HS6ST3: variants seen among roughly 807,000 people sequenced by gnomAD.
The protein encoded by HS6ST3 is heparan-sulfate 6-O-sulfotransferase 3.
A neutral mutation model predicts 36.7 loss-of-function variants in HS6ST3; 12 were observed. The ratio of observed to expected loss-of-function variants is 0.33; its 90% CI spans 0.21 to 0.53. The LOEUF (loss-of-function observed/expected upper bound fraction) is 0.53. Among genes scored for constraint, HS6ST3 ranks in the 20% least tolerant of loss-of-function variants. The pLI is 0.95. For synonymous variants in HS6ST3, 240 were observed against 257.5 expected (o/e 0.93, Z 0.65); for missense variants, 584 against 640.9 (o/e 0.91, Z 0.96).
intron 1 of HS6ST3, among the ~76,000 whole-genome samples, chr13:96,335,422 G>A (rs2055095664): frequency 6.6e-6 from 1 of 152,182 alleles, no homozygotes; most frequent in South Asian, 2.1e-4. Flanking sequence ...GGGCCCCTGT[G>A]ACGTGCTTGA....
intron 1 of HS6ST3, among the ~76,000 whole-genome samples, chr13:96,463,583 G>A (rs2055796130): frequency 1.3e-5 from 2 of 151,924 alleles, no homozygotes; most frequent in East Asian, 3.9e-4. Flanking sequence ...ACACAAAAGA[G>A]CAAACCATTT....
At chr13:96,247,838 G>T (rs1234969768) in intron 1 of HS6ST3, among the ~76,000 whole-genome samples, 1 of 151,984 alleles carries the variant, frequency 6.6e-6, no homozygotes, top group African/African-American at 2.4e-5. Context: ...CATACAACAG[G>T]TTCATACTTC....
intron 1 of HS6ST3, among the ~76,000 whole-genome samples, chr13:96,819,379 A>C (rs1167513685): frequency 1.3e-5 from 2 of 152,180 alleles, no homozygotes; most frequent in African/African-American, 4.8e-5. Flanking sequence ...TAATCAAAAA[A>C]CATACCAGAA....
chr13:96,382,923 G>GA (rs772007465), intron 1 of HS6ST3, among the ~76,000 whole-genome samples: 18 of 152,202 alleles, frequency 1.2e-4, no homozygotes, highest in Non-Finnish European at 2.1e-4. Flanking sequence ...ATATCAAAGA[G>GA]AAAAAATACA....
At chr13:96,101,570 G>A (rs1476143038) in intron 1 of HS6ST3, among the ~76,000 whole-genome samples, 2 of 151,090 alleles carry the variant, frequency 1.3e-5, no homozygotes, top group Admixed American at 6.6e-5. Context: ...ACAAAACTTG[G>A]CACAAGAACC....
At chr13:96,489,439 A>C (rs1344524002) in intron 1 of HS6ST3, among the ~76,000 whole-genome samples, 1 of 151,972 alleles carries the variant, frequency 6.6e-6, no homozygotes, top group African/African-American at 2.4e-5. Flanking sequence ...AAAAATAAAA[A>C]ACATGTTTCT....
chr13:96,502,355 C>T (rs1012841050), intron 1 of HS6ST3, among the ~76,000 whole-genome samples: 4 of 105,382 alleles, frequency 3.8e-5, no homozygotes, highest in Non-Finnish European at 8.0e-5. Flanking sequence ...AGTCTCTTCA[C>T]GGGCTTTTTT....
At chr13:96,549,893 T>C (rs1594804727) in intron 1 of HS6ST3, among the ~76,000 whole-genome samples, 1 of 152,168 alleles carries the variant, frequency 6.6e-6, no homozygotes, top group African/African-American at 2.4e-5. Flanking sequence ...CTTCTCTGAC[T>C]TCAGCAGGCC....
intron 1 of HS6ST3, among the ~76,000 whole-genome samples, chr13:96,441,748 T>C (rs1253269150): frequency 6.6e-6 from 1 of 152,092 alleles, no homozygotes; most frequent in African/African-American, 2.4e-5. Context: ...TTACTATTGA[T>C]ATACAAAATA....
chr13:96,795,189 A>C (rs1473558378), intron 1 of HS6ST3, among the ~76,000 whole-genome samples: 1 of 151,950 alleles, frequency 6.6e-6, no homozygotes, highest in Non-Finnish European at 1.5e-5. Flanking sequence ...CTGTCTTTCA[A>C]AGTACACATT....
At chr13:96,336,837 T>G in intron 1 of HS6ST3, among the ~76,000 whole-genome samples, 1 of 152,288 alleles carries the variant, frequency 6.6e-6, no homozygotes. Context: ...ACATCTAAAT[T>G]TATTAAATTA....
intron 1 of HS6ST3, among the ~76,000 whole-genome samples, chr13:96,096,502 T>A (rs1303578492): frequency 1.3e-5 from 2 of 152,088 alleles, no homozygotes; most frequent in African/African-American, 4.8e-5. Context: ...TTCTCCTCCT[T>A]CCTACCCCAT....
chr13:96,109,913 AT>A lies in HS6ST3; in HGVS notation c.707+18348del, dbSNP rs149379511. Among the ~76,000 whole-genome samples the A allele has an allele frequency of 3.9e-3, 590 of 152,146 alleles. 2 individuals are homozygous for A. Among genetic ancestry groups the A allele is most frequent in the African/African-American group, 0.014 (578 of 41,506 alleles). On this transcript the variant is annotated intron_variant, in intron 1 of 1. Coordinates refer to ENST00000376705, the MANE Select transcript of HS6ST3 (RefSeq NM_153456.4). The stretch of plus-strand genomic sequence containing the variant: ...TTGGAAATAAAAAGGTGAATCAGAT[AT>A]TTTCTTTTTTCTCAATGAAATTACA...
chr13:96,720,547 C>A (rs2138468326), intron 1 of HS6ST3, among the ~76,000 whole-genome samples: 1 of 152,240 alleles, frequency 6.6e-6, no homozygotes, highest in Admixed American at 6.5e-5. Flanking sequence ...CTTCTATTTT[C>A]TCTCTAGCTT....
chr13:96,730,293 A>ATT, intron 1 of HS6ST3, among the ~76,000 whole-genome samples: 1 of 151,290 alleles, frequency 6.6e-6, no homozygotes, highest in East Asian at 1.9e-4. Context: ...TTTTTTTTAA[A>ATT]TTTTTTTTTG....
At chr13:96,818,614 T>C (rs894344928) in intron 1 of HS6ST3, among the ~76,000 whole-genome samples, 2 of 152,250 alleles carry the variant, frequency 1.3e-5, no homozygotes, top group Admixed American at 1.3e-4. Flanking sequence ...AGATGGTATC[T>C]GTTTCCTATT....
chr13:96,774,429 C>A (rs1877341318), intron 1 of HS6ST3, among the ~76,000 whole-genome samples: 1 of 151,990 alleles, frequency 6.6e-6, no homozygotes, highest in African/African-American at 2.4e-5. Context: ...AATTAAGAAC[C>A]TTGAAAAAAG....
At chr13:96,235,201 T>C (rs1445222893) in intron 1 of HS6ST3, among the ~76,000 whole-genome samples, 1 of 152,180 alleles carries the variant, frequency 6.6e-6, no homozygotes, top group Non-Finnish European at 1.5e-5. Context: ...GGAAATAATA[T>C]ATATGACTAA....
intron 1 of HS6ST3, among the ~76,000 whole-genome samples, chr13:96,686,317 A>G (rs1055693739): frequency 6.6e-6 from 1 of 152,042 alleles, no homozygotes; most frequent in African/African-American, 2.4e-5. Context: ...TTCCACAGCA[A>G]TGTATTCATC....
Sources: gnomAD v4.1 joint callset for allele counts (sites outside exome capture counted in the v4.1 genomes callset) on GRCh38, gnomAD v4.1.1 for gene constraint, MANE v1.5 for transcripts, NCBI Gene and HGNC (gene_info 2026-07-23, HGNC 2026-07-21) for gene names.